Variants in SLCO1C1 observed in about 807,000 individuals in gnomAD.
SLCO1C1 encodes the protein solute carrier organic anion transporter family member 1C1.
SLCO1C1 carries 70 observed loss-of-function variants against 76.4 expected under a neutral mutation model. That is an observed-to-expected ratio of 0.92 (90% CI 0.76 to 1.12). SLCO1C1 has a LOEUF of 1.12. SLCO1C1 is among the 50% of genes most tolerant of loss of function. SLCO1C1 has a pLI of 0.00. For synonymous variants in SLCO1C1, 306 were observed against 286.1 expected (o/e 1.07, Z -0.70); for missense variants, 912 against 823.8 (o/e 1.11, Z -1.31).
At position 20,732,937 on chromosome 12, in the gene SLCO1C1, T is replaced by C. The variant is rs1479316424; in HGVS notation, c.1215T>C (p.Leu405=). 4 of 1,614,022 alleles carry C rather than the reference T, an allele frequency of 2.5e-6. No homozygotes were observed. The highest frequency in any genetic ancestry group is 3.4e-6 in the Non-Finnish European group (4 of 1,179,934). Residue 405 remains leucine, a synonymous_variant, in exon 10 of 15, where the codon CTT becomes CTC. Transcript: ENST00000266509. ...IGLINIPAVA[L]GIFSGGIVMK... ...TCATCAACATTCCAGCAGTGGCCCT[T>C]GGAATATTCTCTGGGGGGATAGTTA...
rs1463341291 is a variant in SLCO1C1 at position 20,721,859 on chromosome 12, C to G, written c.831C>G (p.Gly277=). The G allele has an allele frequency of 6.2e-7, 1 of 1,614,146 alleles. No individual in the cohort carries two copies. ...AGTGGGTAGGAGCCTGGTGGCTTGG[C>G]TATCTAATAGCAGGAATCATAAGTC... ...DPQWVGAWWL[G]YLIAGIISLL... The change falls in exon 8 of 15, where the codon GGC becomes GGG. Residue 277 remains glycine, a synonymous_variant. Transcript: ENST00000266509.
chr12:20,750,064 A>G (rs1949224555), intron 13 of SLCO1C1, among the ~76,000 whole-genome samples: 1 of 152,218 alleles, frequency 6.6e-6, no homozygotes, highest in South Asian at 2.1e-4. Flanking sequence ...CCACAAAAGT[A>G]GAAAGACCCA....
chr12:20,746,589 G>A (rs1213047263), intron 13 of SLCO1C1, among the ~76,000 whole-genome samples: 2 of 152,072 alleles, frequency 1.3e-5, no homozygotes, highest in Non-Finnish European at 2.9e-5. Flanking sequence ...AACTTCACAC[G>A]CATCTTAGCA....
At chr12:20,748,548 C>A (rs1195789009) in intron 13 of SLCO1C1, among the ~76,000 whole-genome samples, 1 of 152,152 alleles carries the variant, frequency 6.6e-6, no homozygotes, top group Non-Finnish European at 1.5e-5. Context: ...AATATAATCC[C>A]TCATTCAAAT....
chr12:20,751,259 T>TTATTCTC (rs1184220587), intron 14 of SLCO1C1, among the ~76,000 whole-genome samples: 1 of 152,178 alleles, frequency 6.6e-6, no homozygotes, highest in Non-Finnish European at 1.5e-5. Context: ...TAATGTTCAA[T>TTATTCTC]TATTCTCGTA....
At chr12:20,717,921 C>T (rs1309400709) in intron 7 of SLCO1C1, among the ~76,000 whole-genome samples, 2 of 151,756 alleles carry the variant, frequency 1.3e-5, no homozygotes, top group East Asian at 1.9e-4. Flanking sequence ...ACTAAACAAG[C>T]GTCACTTAAA....
rs377694580 is a variant in SLCO1C1, at chr12:20,741,009, C to T, written c.1733+641C>T. 1.3e-3 allele frequency among the ~76,000 whole-genome samples: 197 copies of T among 151,834 alleles called. 6 individuals are homozygous for T. The South Asian group carries it at 0.04, about 31-fold the overall frequency. On this transcript the variant is annotated intron_variant, in intron 12 of 14. Coordinates refer to ENST00000266509, the MANE Select transcript of SLCO1C1 (RefSeq NM_017435.5). ...TTAATTGACTCACAGTTCCGCATGG[C>T]TGGAGAGGCTTCAGGAAACTTAAAA...
chr12:20,733,129 G>T, intron 10 of SLCO1C1, 25 bp downstream of exon 10: 1 of 1,512,188 alleles, frequency 6.6e-7, no homozygotes, highest in Non-Finnish European at 8.8e-7. Flanking sequence ...TAAATAGTTT[G>T]AGGATATTGG....
At chr12:20,721,755 A>G in intron 7 of SLCO1C1, 49 bp from the exon 8 acceptor site, 1 of 1,584,330 alleles carries the variant, frequency 6.3e-7, no homozygotes, top group Non-Finnish European at 8.6e-7. Flanking sequence ...TTATTTTAAC[A>G]TATTAGCTTT....
chr12:20,719,917 A>C (rs988051792), intron 7 of SLCO1C1, among the ~76,000 whole-genome samples: 1 of 152,214 alleles, frequency 6.6e-6, no homozygotes, highest in African/African-American at 2.4e-5. Context: ...ATAGTCTTCT[A>C]TTGGAAGAAG....
intron 2 of SLCO1C1, 97 bp downstream of exon 2, chr12:20,699,802 T>TAA (rs34457843): frequency 4.3e-4 from 445 of 1,038,640 alleles, no homozygotes; most frequent in South Asian, 1.4e-3. Flanking sequence ...TTTTCTCCTT[T>TAA]AAAAAAAAAA....
intron 7 of SLCO1C1, among the ~76,000 whole-genome samples, chr12:20,721,597 C>A (rs1947674689): frequency 6.6e-6 from 1 of 151,728 alleles, no homozygotes; most frequent in Admixed American, 6.6e-5. Flanking sequence ...TTGTGAAATT[C>A]ACTTCATTGT....
Position 20,717,233 on chromosome 12 carries a change from A to G in SLCO1C1, c.775+3A>G. On this transcript the variant is annotated splice_donor_region_variant and intron_variant, in intron 7 of 14. Transcript: ENST00000266509. The stretch of plus-strand genomic sequence containing the variant: ...TGACATTGGCTTTGTAAACCTAGGT[A>G]AGGAAGTTTATTTTTTATTTATTCA... 6.3e-7 allele frequency: 1 copy of G among 1,578,628 alleles called. No individual in the cohort carries two copies. The highest frequency in any genetic ancestry group is 8.6e-7 in the Non-Finnish European group (1 of 1,168,408).
intron 5 of SLCO1C1, among the ~76,000 whole-genome samples, chr12:20,713,339 A>G (rs974086205): frequency 5.9e-5 from 9 of 152,060 alleles, no homozygotes; most frequent in Admixed American, 2.6e-4. Flanking sequence ...TCGGCCTCCC[A>G]AAGTGCTGGG....
intron 5 of SLCO1C1, 134 bp from the exon 6 acceptor site, chr12:20,715,004 TC>T (rs1947296827): frequency 1.9e-6 from 2 of 1,061,188 alleles, no homozygotes; most frequent in Non-Finnish European, 2.7e-6. Flanking sequence ...TTGACCAAAC[TC>T]CCATCAAATT....
intron 3 of SLCO1C1, 115 bp downstream of exon 3, chr12:20,701,574 T>TTG: frequency 1.3e-6 from 1 of 785,014 alleles, no homozygotes; most frequent in Non-Finnish European, 1.8e-6. Context: ...CATAAAATCT[T>TTG]TTTTTTTTTT....
At chr12:20,740,411 A>C (rs1363065870) in intron 12 of SLCO1C1, 43 bp downstream of exon 12, 2 of 1,541,220 alleles carry the variant, frequency 1.3e-6, no homozygotes, top group East Asian at 4.7e-5. Context: ...CACAAGACAC[A>C]ATCATCTCGA....
In SLCO1C1 at chr12:20,701,400, A is replaced by G; in HGVS notation, c.212A>G (p.Glu71Gly). ...GYLKSTITQIERRFDIPSSLV... is the reference protein window; with the variant it reads ...GYLKSTITQIGRRFDIPSSLV... ...CTGAAGAGCACCATCACTCAGATAG[A>G]GAGAAGGTTTGATATCCCTTCTTCA... is the stretch of plus-strand genomic sequence containing the variant. The change falls in exon 3 of 15, where the codon GAG becomes GGG. Residue 71 changes from glutamate (E) to glycine (G), a missense_variant. Transcript: ENST00000266509. 1 of 1,555,826 alleles carries G rather than the reference A, an allele frequency of 6.4e-7. No homozygotes were observed. The highest frequency in any genetic ancestry group is 2.3e-5 in the East Asian group (1 of 43,684).
chr12:20,727,126 C>T (rs1457156863), intron 9 of SLCO1C1, among the ~76,000 whole-genome samples: 1 of 152,122 alleles, frequency 6.6e-6, no homozygotes, highest in Non-Finnish European at 1.5e-5. Flanking sequence ...ACTGATTCCA[C>T]GTTTTTGCTA....
Sources: allele counts gnomAD v4.1 joint callset (sites outside exome capture counted in the v4.1 genomes callset), GRCh38; gene constraint gnomAD v4.1.1; transcripts MANE v1.5; gene names NCBI Gene and HGNC (gene_info 2026-07-23, HGNC 2026-07-21).